Variants in BACE2 observed in about 807,000 individuals in gnomAD.
The protein encoded by BACE2 is beta-secretase 2.
Under a neutral mutation model 46.2 loss-of-function variants are expected in BACE2, and 17 were observed. That is an observed-to-expected ratio of 0.37 (90% confidence interval 0.25 to 0.55). The LOEUF (loss-of-function observed/expected upper bound fraction) is 0.55. BACE2 is among the 20% of genes least tolerant of loss of function. BACE2 has a pLI of 0.82. For missense variants in BACE2, 595 were observed against 698.1 expected, an observed-to-expected ratio of 0.85 and a Z score of 1.66; for synonymous variants, 277 against 295.9, an observed-to-expected ratio of 0.94 and a Z score of 0.66.
chr21:41,275,355 C>T lies in BACE2; in HGVS notation c.1304-16C>T, dbSNP rs373202087. On this transcript the variant is annotated splice_polypyrimidine_tract_variant and intron_variant, in intron 8 of 8. Coordinates refer to ENST00000330333, the MANE Select transcript of BACE2 (RefSeq NM_012105.5). ...CTCATTTCACAGCTGTGGATTTTCC[C>T]TTTCTGTCTCCCCAGAAATTGCAGG... 6.2e-7 allele frequency: 1 copy of T among 1,613,738 alleles called. No individual in the cohort carries two copies. The highest frequency in any genetic ancestry group is 1.3e-5 in the African/African-American group (1 of 74,908).
intron 1 of BACE2, among the ~76,000 whole-genome samples, chr21:41,223,976 G>A (rs1263884073): frequency 6.6e-6 from 1 of 152,266 alleles, no homozygotes; most frequent in African/African-American, 2.4e-5. Flanking sequence ...GAGATGAGAA[G>A]CACCTGTCCG....
At chr21:41,274,569 A>C (rs1396059688) in intron 8 of BACE2, among the ~76,000 whole-genome samples, 1 of 152,212 alleles carries the variant, frequency 6.6e-6, no homozygotes, top group African/African-American at 2.4e-5. Context: ...AGAGAAGCCT[A>C]GTGTAGGCAA....
chr21:41,177,316 C>A (rs1984891571), intron 1 of BACE2: 1 of 152,212 alleles, frequency 6.6e-6, no homozygotes, highest in Non-Finnish European at 1.5e-5. Context: ...CATTGAAAAT[C>A]GACAGAAGGA....
rs11448311 is a variant in BACE2, at chr21:41,275,832, T to TAA, written c.*217_*218dup. The TAA allele has an allele frequency of 8.8e-5, 55 of 622,144 alleles. No homozygotes were observed. Among genetic ancestry groups the TAA allele is most frequent in the African/African-American group, 5.1e-4 (27 of 53,124 alleles). The allele number at this position is 622,144 out of a possible 1,614,324, so 38.5% of individuals were successfully genotyped here. A position where few individuals can be genotyped will look rare whatever the true frequency, so the allele number is the denominator to read the frequency against. On this transcript the variant is annotated 3_prime_UTR_variant, in exon 9 of 9. Coordinates refer to ENST00000330333, the MANE Select transcript of BACE2 (RefSeq NM_012105.5). ...CCTCCCTACTTCCAAGAAAAATAAT[T>TAA]AAAAAAAAAACTTCATTCTAAACCA...
At chr21:41,251,887 A>G (rs955577849) in intron 7 of BACE2, among the ~76,000 whole-genome samples, 1 of 152,050 alleles carries the variant, frequency 6.6e-6, no homozygotes, top group Non-Finnish European at 1.5e-5. Context: ...TTTTTTTCCT[A>G]TACTCCCAGT....
chr21:41,256,624 A>T (rs1186503247), intron 7 of BACE2, among the ~76,000 whole-genome samples: 3 of 152,166 alleles, frequency 2.0e-5, no homozygotes, highest in Admixed American at 6.5e-5. Context: ...ATCAACCAGA[A>T]AATTTTTAAT....
At chr21:41,233,087 C>T (rs1171066352) in intron 2 of BACE2, among the ~76,000 whole-genome samples, 1 of 152,140 alleles carries the variant, frequency 6.6e-6, no homozygotes, top group Non-Finnish European at 1.5e-5. Context: ...CCAGGATAGT[C>T]TCGATCTCCT....
chr21:41,183,899 T>C (rs1056628308), intron 1 of BACE2: 2 of 167,058 alleles, frequency 1.2e-5, no homozygotes, highest in African/African-American at 2.4e-5. Flanking sequence ...GGTCAGCAAG[T>C]CAGGCATCAA....
intron 1 of BACE2, chr21:41,177,650 T>C (rs1212092611): frequency 2.0e-5 from 3 of 152,206 alleles, no homozygotes; most frequent in African/African-American, 7.2e-5. Flanking sequence ...ATTAGAACCT[T>C]AGCCTCGCGC....
chr21:41,171,674 T>C (rs1424514245), intron 1 of BACE2, among the ~76,000 whole-genome samples: 1 of 152,220 alleles, frequency 6.6e-6, no homozygotes, highest in Non-Finnish European at 1.5e-5. Flanking sequence ...GCAATTTCTA[T>C]TATGAAAAAA....
At chr21:41,259,181 C>CA (rs1016607500) in intron 8 of BACE2, among the ~76,000 whole-genome samples, 16 of 152,182 alleles carry the variant, frequency 1.1e-4, no homozygotes, top group Non-Finnish European at 1.9e-4. Flanking sequence ...GGCAGGGCAA[C>CA]TTTTTTTTCC....
rs1278725737 is a variant in BACE2 at position 41,203,486 on chromosome 21, G to A, written c.313-22780G>A. Among the ~76,000 whole-genome samples, 4 of 152,286 alleles carry A rather than the reference G, an allele frequency of 2.6e-5. No individual in the cohort carries two copies. The South Asian group carries it at 6.2e-4, about 24-fold the overall frequency. ...GCTGTGGGGAGGAAGGCTTGAGGAAGGTGGGGGAGTGCTATTGTTGAGAGT... is the reference window on the plus strand; with the variant it reads ...GCTGTGGGGAGGAAGGCTTGAGGAAAGTGGGGGAGTGCTATTGTTGAGAGT... On this transcript the variant is annotated intron_variant, in intron 1 of 8. Coordinates refer to ENST00000330333, the MANE Select transcript of BACE2 (RefSeq NM_012105.5).
intron 1 of BACE2, among the ~76,000 whole-genome samples, chr21:41,209,341 T>G (rs1986227803): frequency 6.6e-6 from 1 of 152,168 alleles, no homozygotes; most frequent in Non-Finnish European, 1.5e-5. Context: ...CCCAGGCTGT[T>G]CCCAGGGGGA....
intron 1 of BACE2, among the ~76,000 whole-genome samples, chr21:41,212,811 C>T (rs561817516): frequency 2.0e-5 from 3 of 152,284 alleles, no homozygotes; most frequent in South Asian, 2.1e-4. Context: ...ATGGGTAGGC[C>T]ACCAGCAATC....
At chr21:41,170,845 G>A (rs761256201) in intron 1 of BACE2, among the ~76,000 whole-genome samples, 6 of 152,234 alleles carry the variant, frequency 3.9e-5, no homozygotes, top group Admixed American at 1.3e-4. Flanking sequence ...AGCTCAGTAC[G>A]TGACAAGCAC....
chr21:41,221,702 C>A (rs1410981409), intron 1 of BACE2, among the ~76,000 whole-genome samples: 2 of 152,056 alleles, frequency 1.3e-5, no homozygotes, highest in African/African-American at 4.8e-5. Context: ...GTGGCGGGAG[C>A]CTGTAGTCCC....
At chr21:41,174,487 G>T (rs1307421646) in intron 1 of BACE2, among the ~76,000 whole-genome samples, 2 of 152,020 alleles carry the variant, frequency 1.3e-5, no homozygotes, top group African/African-American at 4.8e-5. Flanking sequence ...TTGCTCCCAG[G>T]GGTGGAGAGG....
rs1358093834 is a variant in BACE2 at position 41,280,861 on chromosome 21, C to T, written c.*5237C>T. ...TCCAGTGCTTCTAAACTAAATTGTA[C>T]TGTGTAACTTTTACATCACACTTGT... On this transcript the variant is annotated 3_prime_UTR_variant, in exon 9 of 9. Coordinates refer to ENST00000330333, the MANE Select transcript of BACE2 (RefSeq NM_012105.5). 2.6e-5 allele frequency: 4 copies of T among 152,270 alleles called. No individual in the cohort carries two copies. Among genetic ancestry groups the T allele is most frequent in the Non-Finnish European group, 5.9e-5 (4 of 68,056 alleles). 9.4% of individuals were successfully genotyped at this position (152,270 alleles called of 1,614,324 possible).
At chr21:41,224,549 C>G (rs561779147) in intron 1 of BACE2, among the ~76,000 whole-genome samples, 1 of 152,304 alleles carries the variant, frequency 6.6e-6, no homozygotes, top group East Asian at 1.9e-4. Context: ...TGGGCTATAT[C>G]TACGTGGTCT....
Sources: gnomAD v4.1 joint callset for allele counts (sites outside exome capture counted in the v4.1 genomes callset) on GRCh38, gnomAD v4.1.1 for gene constraint, MANE v1.5 for transcripts, NCBI Gene and HGNC (gene_info 2026-07-23, HGNC 2026-07-21) for gene names.